Variants in MPDZ observed in about 807,000 individuals in gnomAD.
MPDZ encodes multiple PDZ domain protein.
In MPDZ, 234 loss-of-function variants were observed where a neutral mutation model predicts 239.1. That is an observed-to-expected ratio of 0.98 (90% CI 0.88 to 1.09). MPDZ has a LOEUF of 1.09. MPDZ is among the 50% of genes least tolerant of loss of function. The pLI, the probability that MPDZ is intolerant of heterozygous loss-of-function variation, is 0.00. For missense variants in MPDZ, 3,175 were observed against 2,510.0 expected, an observed-to-expected ratio of 1.26 and a Z score of -5.66; for synonymous variants, 1,048 against 881.3, an observed-to-expected ratio of 1.19 and a Z score of -3.35.
rs71331533 is a variant in MPDZ at position 13,240,580 on chromosome 9, TAAAAAAAAAA to T, written c.183+7045_183+7054del. Among the ~76,000 whole-genome samples, 20 of 44,018 alleles carry T rather than the reference TAAAAAAAAAA, an allele frequency of 4.5e-4. 1 individual carries two copies. The highest frequency in any genetic ancestry group is 0.042 in the Middle Eastern group (1 of 24). 28.9% of individuals were successfully genotyped at this position (44,018 alleles called of 152,430 possible). On this transcript the variant is annotated intron_variant, in intron 3 of 46. Transcript: ENST00000319217. ...CAGAAACAGTGTAACATAATAAAAG[TAAAAAAAAAA>T]AAAAAAAAAAAAAAAAAAGACTGGC...
rs1437519886 is a variant in MPDZ at position 13,192,161 on chromosome 9, C to T, written c.1938G>A (p.Leu646=). ...PPTTQSELDS[L]DLCDIELTEK... ...CTGTTAGCTCAATATCACATAAGTC[C>T]AGGCTATCCAATTCTGATTGGGTGG... Residue 646 remains leucine, a synonymous_variant, in exon 15 of 47, where the codon CTG becomes CTA. Coordinates refer to ENST00000319217, the MANE Select transcript of MPDZ (RefSeq NM_001378778.1). 1.2e-6 allele frequency: 2 copies of T among 1,608,902 alleles called. No individual in the cohort carries two copies. The highest frequency in any genetic ancestry group is 1.3e-5 in the African/African-American group (1 of 74,880).
chr9:13,216,967 T>C lies in MPDZ; in HGVS notation c.1202-105A>G, dbSNP rs1039325651. 12 of 894,508 alleles carry C rather than the reference T, an allele frequency of 1.3e-5. No homozygotes were observed. The African/African-American group carries it at 1.5e-4, about 11-fold the overall frequency. 55.4% of individuals were successfully genotyped at this position (894,508 alleles called of 1,614,324 possible). On this transcript the variant is annotated intron_variant, in intron 9 of 46. Coordinates refer to ENST00000319217, the MANE Select transcript of MPDZ (RefSeq NM_001378778.1). ...AGCTCTAATTCAGAATAAATACGTA[T>C]CATCTAGTAGAAACACAGGCTAAAG...
intron 2 of MPDZ, 64 bp downstream of exon 2, chr9:13,250,236 T>C: frequency 6.7e-7 from 1 of 1,492,928 alleles, no homozygotes; most frequent in Non-Finnish European, 9.2e-7. Flanking sequence ...ACAACATATG[T>C]CAAAAATCCC....
At chr9:13,269,468 C>T (rs1458755625) in intron 1 of MPDZ, among the ~76,000 whole-genome samples, 5 of 152,094 alleles carry the variant, frequency 3.3e-5, no homozygotes, top group African/African-American at 1.2e-4. Flanking sequence ...GAATCAATAA[C>T]ATTCCTGCAA....
chr9:13,136,849 A>T (rs376996223), intron 29 of MPDZ, 46 bp from the exon 30 acceptor site: 4 of 1,166,790 alleles, frequency 3.4e-6, no homozygotes, highest in Non-Finnish European at 4.9e-6. Flanking sequence ...TCTTAGTATC[A>T]TAAAGTTTTA....
At chr9:13,154,342 G>A (rs1949561593) in intron 24 of MPDZ, among the ~76,000 whole-genome samples, 1 of 151,902 alleles carries the variant, frequency 6.6e-6, no homozygotes, top group Non-Finnish European at 1.5e-5. Context: ...GGAAAAAAAA[G>A]GCAGCCTATT....
intron 24 of MPDZ, among the ~76,000 whole-genome samples, chr9:13,152,514 ATG>A (rs1949310170): frequency 6.6e-6 from 1 of 152,002 alleles, no homozygotes; most frequent in Non-Finnish European, 1.5e-5. Context: ...ACCATGTGAG[ATG>A]TGTCTTTCAC....
chr9:13,244,359 T>C (rs1228424028), intron 3 of MPDZ, among the ~76,000 whole-genome samples: 1 of 152,210 alleles, frequency 6.6e-6, no homozygotes, highest in Non-Finnish European at 1.5e-5. Flanking sequence ...TTAGCAGTGA[T>C]GACTAGGTGA....
chr9:13,278,060 T>G (rs908736713), intron 1 of MPDZ, among the ~76,000 whole-genome samples: 3 of 152,204 alleles, frequency 2.0e-5, no homozygotes, highest in African/African-American at 7.2e-5. Context: ...AGGTGTTATT[T>G]ATTCTATAAA....
chr9:13,256,369 T>G (rs922625576), intron 1 of MPDZ, among the ~76,000 whole-genome samples: 5 of 152,234 alleles, frequency 3.3e-5, no homozygotes, highest in African/African-American at 9.6e-5. Context: ...TTCAAGACCT[T>G]TTCCTTTGCA....
At chr9:13,160,233 C>T (rs561878139) in intron 23 of MPDZ, among the ~76,000 whole-genome samples, 3 of 152,274 alleles carry the variant, frequency 2.0e-5, no homozygotes, top group East Asian at 1.9e-4. Context: ...AGTATGCTTA[C>T]ATTCTACACT....
chr9:13,109,886 G>T lies in MPDZ; in HGVS notation c.5942+66C>A, dbSNP rs1030130905. On this transcript the variant is annotated intron_variant, in intron 45 of 46. Coordinates refer to ENST00000319217, the MANE Select transcript of MPDZ (RefSeq NM_001378778.1). The stretch of plus-strand genomic sequence containing the variant: ...TTCCTAGAAACATGGGACAGAGAAC[G>T]CAACTGTCAGGAAGACTTGATTCAT... 5.6e-6 allele frequency: 7 copies of T among 1,243,082 alleles called. 1 individual carries two copies. In the South Asian group the frequency reaches 6.4e-5, roughly 11 times the overall value. 77.0% of individuals were successfully genotyped at this position (1,243,082 alleles called of 1,614,324 possible). A position where few individuals can be genotyped will look rare whatever the true frequency, so the allele number is the denominator to read the frequency against.
intron 1 of MPDZ, among the ~76,000 whole-genome samples, chr9:13,252,314 TC>T (rs1280252745): frequency 6.6e-6 from 1 of 152,102 alleles, no homozygotes; most frequent in African/African-American, 2.4e-5. Flanking sequence ...ATGCCTGTAA[TC>T]CCAGCACTTT....
chr9:13,212,710 T>C (rs755775521), intron 10 of MPDZ, among the ~76,000 whole-genome samples: 2 of 146,386 alleles, frequency 1.4e-5, no homozygotes, highest in South Asian at 4.3e-4. Flanking sequence ...CGGTGGCTAA[T>C]ACCTGTAATC....
intron 21 of MPDZ, among the ~76,000 whole-genome samples, chr9:13,172,476 G>A (rs567847946): frequency 5.3e-5 from 8 of 150,158 alleles, no homozygotes; most frequent in Non-Finnish European, 1.0e-4. Context: ...TCCACCTCCC[G>A]AGTTCAAGGG....
At chr9:13,191,631 C>T (rs989237677) in intron 15 of MPDZ, among the ~76,000 whole-genome samples, 1 of 152,072 alleles carries the variant, frequency 6.6e-6, no homozygotes, top group African/African-American at 2.4e-5. Flanking sequence ...CTGTGTCCAT[C>T]CATATTTTAG....
At chr9:13,259,505 A>C (rs1400924353) in intron 1 of MPDZ, among the ~76,000 whole-genome samples, 2 of 152,160 alleles carry the variant, frequency 1.3e-5, no homozygotes, top group African/African-American at 2.4e-5. Flanking sequence ...ACTCACGTAC[A>C]AGTGAATGAA....
At position 13,250,347 on chromosome 9, in the gene MPDZ, T is replaced by C. The variant is rs373279830; in HGVS notation, c.-32A>G. ...CAAAGTTCAGTGTTCTTCTCTGAAA[T>C]GATTAACAGCAATTAAAATGGAACT... is the stretch of plus-strand genomic sequence containing the variant. On this transcript the variant is annotated 5_prime_UTR_variant, in exon 2 of 47. Transcript: ENST00000319217. 3.8e-6 allele frequency: 6 copies of C among 1,570,088 alleles called. No individual in the cohort carries two copies. In the African/African-American group the frequency reaches 6.7e-5, roughly 18 times the overall value.
chr9:13,255,673 A>G (rs1334204653), intron 1 of MPDZ, among the ~76,000 whole-genome samples: 1 of 152,206 alleles, frequency 6.6e-6, no homozygotes, highest in Non-Finnish European at 1.5e-5. Context: ...TATATTTTAT[A>G]AGAACCTTTT....
Sources: allele counts gnomAD v4.1 joint callset (sites outside exome capture counted in the v4.1 genomes callset), GRCh38; gene constraint gnomAD v4.1.1; transcripts MANE v1.5; gene names NCBI Gene and HGNC (gene_info 2026-07-23, HGNC 2026-07-21).